The following WWP2 variants were observed in gnomAD, a reference collection of about 807,000 sequenced individuals.
The protein encoded by WWP2 is NEDD4-like E3 ubiquitin-protein ligase WWP2.
A neutral mutation model predicts 121.0 loss-of-function variants in WWP2; 57 were observed. That is an observed-to-expected ratio of 0.47 (90% CI 0.38 to 0.59). The LOEUF (loss-of-function observed/expected upper bound fraction) is 0.59, where lower values mean the gene tolerates loss of function less well. Among genes scored for constraint, WWP2 ranks in the 20% least tolerant of loss-of-function variants. The pLI is 0.00. For missense variants in WWP2, 962 were observed against 1,158.9 expected, an observed-to-expected ratio of 0.83 and a Z score of 2.47; for synonymous variants, 449 against 441.3, an observed-to-expected ratio of 1.02 and a Z score of -0.22.
intron 4 of WWP2, among the ~76,000 whole-genome samples, chr16:69,822,301 G>C (rs1487690113): frequency 6.6e-6 from 1 of 152,274 alleles, no homozygotes; most frequent in Non-Finnish European, 1.5e-5. Flanking sequence ...AGGGCCTGAC[G>C]CTGATTTATC....
In WWP2 at chr16:69,888,266, C is replaced by T; in HGVS notation, c.914+17C>T. ...GCCTGCTGGGTGAGTAGTCTTCTGTCCCATAACAGATCTCTCCTCCTCAAA... is the reference window on the plus strand; with the variant it reads ...GCCTGCTGGGTGAGTAGTCTTCTGTTCCATAACAGATCTCTCCTCCTCAAA... On this transcript the variant is annotated intron_variant, in intron 8 of 23. Transcript: ENST00000359154. 6.2e-7 allele frequency: 1 copy of T among 1,610,352 alleles called. No homozygotes were observed. The highest frequency in any genetic ancestry group is 8.5e-7 in the Non-Finnish European group (1 of 1,177,988).
At chr16:69,784,546 ACT>A (rs1379179198) in intron 1 of WWP2, among the ~76,000 whole-genome samples, 6 of 152,104 alleles carry the variant, frequency 3.9e-5, no homozygotes, top group African/African-American at 1.2e-4. Context: ...CACCACACAT[ACT>A]CTCAGTATAA....
intron 7 of WWP2, among the ~76,000 whole-genome samples, chr16:69,887,378 G>A (rs1389116515): frequency 6.6e-6 from 1 of 151,974 alleles, no homozygotes; most frequent in African/African-American, 2.4e-5. Flanking sequence ...TATAAACTTG[G>A]CCTTGCTGCA....
chr16:69,861,219 C>T (rs772579582), intron 6 of WWP2, among the ~76,000 whole-genome samples: 24 of 152,188 alleles, frequency 1.6e-4, no homozygotes, highest in Non-Finnish European at 2.6e-4. Flanking sequence ...TCAATGGCCA[C>T]GTTGAGCAGG....
intron 1 of WWP2, among the ~76,000 whole-genome samples, chr16:69,773,780 C>A (rs2055468104): frequency 6.6e-6 from 1 of 152,206 alleles, no homozygotes; most frequent in Admixed American, 6.5e-5. Flanking sequence ...CTACACCCAG[C>A]TGCCCCAGTT....
rs985875751 is a variant in WWP2, at chr16:69,834,620, G to A, written c.341-5506G>A. On this transcript the variant is annotated intron_variant, in intron 4 of 23. Coordinates refer to ENST00000359154, the MANE Select transcript of WWP2 (RefSeq NM_001270454.2). ...CGGCTCACTGCAACTTCTGTTTTCC[G>A]GGTTCAAGCGATTCTCCTGCCTCAG... Among the ~76,000 whole-genome samples, 6 of 149,968 alleles carry A rather than the reference G, an allele frequency of 4.0e-5. No homozygotes were observed. In the East Asian group the frequency reaches 5.9e-4, roughly 15 times the overall value.
intron 1 of WWP2, among the ~76,000 whole-genome samples, chr16:69,766,286 C>T (rs2038728558): frequency 6.6e-6 from 1 of 152,272 alleles, no homozygotes. Context: ...TCAGAGTACA[C>T]CCTGGATGCA....
rs147436790 is a variant in WWP2 at position 69,775,571 on chromosome 16, C to A, written c.-15-11425C>A. Among the ~76,000 whole-genome samples the A allele has an allele frequency of 8.5e-5, 13 of 152,298 alleles. No homozygotes were observed. The East Asian group carries it at 2.5e-3, about 29-fold the overall frequency. ...TATTCTCATGTGTTGTCTGCTGTTT[C>A]CATTAGAGCCCTGAACCTAGTAATC... On this transcript the variant is annotated intron_variant, in intron 1 of 23. Coordinates refer to ENST00000359154, the MANE Select transcript of WWP2 (RefSeq NM_001270454.2).
chr16:69,905,825 C>T (rs1044497671), intron 8 of WWP2, among the ~76,000 whole-genome samples: 2 of 152,224 alleles, frequency 1.3e-5, no homozygotes, highest in African/African-American at 4.8e-5. Flanking sequence ...TTCAGCAAAG[C>T]ATGGTGAAAC....
chr16:69,829,733 A>C (rs1051871481), intron 4 of WWP2, among the ~76,000 whole-genome samples: 7 of 152,190 alleles, frequency 4.6e-5, no homozygotes, highest in Non-Finnish European at 4.4e-5. Flanking sequence ...TTGCAACTTT[A>C]CATTTCCTTG....
chr16:69,890,021 C>A (rs531276163), intron 8 of WWP2, among the ~76,000 whole-genome samples: 1 of 152,060 alleles, frequency 6.6e-6, no homozygotes, highest in East Asian at 1.9e-4. Context: ...GTAGTACAGT[C>A]TTGGCTCACT....
rs1293525813 is a variant in WWP2, at chr16:69,935,592, G to C, written c.1843-261G>C. On this transcript the variant is annotated intron_variant, in intron 17 of 23. Coordinates refer to ENST00000359154, the MANE Select transcript of WWP2 (RefSeq NM_001270454.2). This position sits in a 1 kb window ranked among gnomAD's most constrained non-coding sequence, Gnocchi z 5.2. ...GTGCGGGGCAGATGCGGGCCCGGAC[G>C]TGGGTTCCCGCACCAGCTGGCTCTG... Among the ~76,000 whole-genome samples, 1 of 152,252 alleles carries C rather than the reference G, an allele frequency of 6.6e-6. No individual in the cohort carries two copies. The highest frequency in any genetic ancestry group is 1.5e-5 in the Non-Finnish European group (1 of 68,044).
At chr16:69,765,529 T>G (rs1011722020) in intron 1 of WWP2, among the ~76,000 whole-genome samples, 15 of 152,034 alleles carry the variant, frequency 9.9e-5, no homozygotes, top group African/African-American at 3.1e-4. Context: ...GGTTGCAGTT[T>G]AAATAGGATC....
intron 8 of WWP2, among the ~76,000 whole-genome samples, chr16:69,893,397 A>G (rs1017308498): frequency 6.6e-6 from 1 of 152,052 alleles, no homozygotes; most frequent in African/African-American, 2.4e-5. Context: ...ACCTAGATGA[A>G]TGTTTTTTGC....
At chr16:69,861,690 T>A (rs1209946787) in intron 6 of WWP2, among the ~76,000 whole-genome samples, 3 of 147,262 alleles carry the variant, frequency 2.0e-5, no homozygotes, top group Non-Finnish European at 4.5e-5. Context: ...GGAGGAAGAA[T>A]TGAGGGGGGT....
At chr16:69,811,913 T>C (rs1326237987) in intron 4 of WWP2, among the ~76,000 whole-genome samples, 1 of 152,192 alleles carries the variant, frequency 6.6e-6, no homozygotes, top group East Asian at 1.9e-4. Context: ...GTTTCTTTCA[T>C]CCCTAAATAC....
At position 69,889,940 on chromosome 16, in the gene WWP2, A is replaced by G. The variant is rs28576892; in HGVS notation, c.914+1691A>G. 2.0e-3 allele frequency among the ~76,000 whole-genome samples: 311 copies of G among 152,070 alleles called. 3 individuals carry two copies. The highest frequency in any genetic ancestry group is 6.8e-3 in the African/African-American group (281 of 41,484). Reference sequence around the variant, plus strand: ...CCTTATCCCATCTCTTTATTCTATTATTAAGCCACTTTCATTGTTGTTGTT... The same window carrying G: ...CCTTATCCCATCTCTTTATTCTATTGTTAAGCCACTTTCATTGTTGTTGTT... On this transcript the variant is annotated intron_variant, in intron 8 of 23. Transcript: ENST00000359154.
chr16:69,930,383 G>T, intron 13 of WWP2, 125 bp downstream of exon 13: 1 of 1,429,888 alleles, frequency 7.0e-7, no homozygotes. Flanking sequence ...CTGCCCTCTA[G>T]TGGCCAATGT....
chr16:69,940,739 C>G lies in WWP2; in HGVS notation c.*799C>G, dbSNP rs899522891. 2.6e-5 allele frequency: 4 copies of G among 152,594 alleles called. No individual in the cohort carries two copies. The highest frequency in any genetic ancestry group is 6.5e-5 in the Admixed American group (1 of 15,282). 9.5% of individuals were successfully genotyped at this position (152,594 alleles called of 1,614,324 possible). A position where few individuals can be genotyped will look rare whatever the true frequency, so the allele number is the denominator to read the frequency against. On this transcript the variant is annotated 3_prime_UTR_variant, in exon 24 of 24. Transcript: ENST00000359154. ...CTTGAGGGACCCAGACCTTTGGGTC[C>G]AAGAGTTTCCCAAACAGCCACGCCT...
Sources: allele counts gnomAD v4.1 joint callset (sites outside exome capture counted in the v4.1 genomes callset), GRCh38; gene constraint gnomAD v4.1.1; non-coding constraint Gnocchi (gnomAD v3.1); transcripts MANE v1.5; gene names NCBI Gene and HGNC (gene_info 2026-07-23, HGNC 2026-07-21).